Variants in EDAR observed in about 807,000 individuals in gnomAD.
EDAR encodes the protein tumor necrosis factor receptor superfamily member EDAR.
A neutral mutation model predicts 51.3 loss-of-function variants in EDAR; 38 were observed. The observed-to-expected ratio is 0.74, with a 90% CI of 0.57 to 0.97. The LOEUF (loss-of-function observed/expected upper bound fraction) is 0.97. EDAR is among the 50% of genes least tolerant of loss of function. EDAR has a pLI of 0.00. For synonymous variants in EDAR, 227 were observed against 242.1 expected, an observed-to-expected ratio of 0.94 and a Z score of 0.58; for missense variants, 528 against 595.0, an observed-to-expected ratio of 0.89 and a Z score of 1.17.
chr2:108,895,781 A>C lies in EDAR; in HGVS notation c.*1126T>G, dbSNP rs1696573748. Reference sequence around the variant, plus strand: ...CTAGAAGCCAGCTCCCTCGACATCAAGCCCAGGCTCTCATTTGCGCTGCAG... The same window carrying C: ...CTAGAAGCCAGCTCCCTCGACATCACGCCCAGGCTCTCATTTGCGCTGCAG... On this transcript the variant is annotated 3_prime_UTR_variant, in exon 12 of 12. Transcript: ENST00000258443. The C allele has an allele frequency of 6.6e-6, 1 of 152,254 alleles. No individual in the cohort carries two copies. Among genetic ancestry groups the C allele is most frequent in the African/African-American group, 2.4e-5 (1 of 41,462 alleles). 9.4% of individuals were successfully genotyped at this position (152,254 alleles called of 1,614,324 possible).
intron 1 of EDAR, among the ~76,000 whole-genome samples, chr2:108,975,706 G>A (rs1698311601): frequency 6.6e-6 from 1 of 152,170 alleles, no homozygotes; most frequent in Non-Finnish European, 1.5e-5. Context: ...GAGCCCTGTG[G>A]TGGTCGGAGG....
intron 1 of EDAR, among the ~76,000 whole-genome samples, chr2:108,971,260 G>C (rs1698226742): frequency 6.6e-6 from 1 of 152,002 alleles, no homozygotes; most frequent in South Asian, 2.1e-4. Context: ...CTTTCTTCCA[G>C]CATCTAGAAA....
At chr2:108,983,072 C>T (rs932879570) in intron 1 of EDAR, among the ~76,000 whole-genome samples, 2 of 152,202 alleles carry the variant, frequency 1.3e-5, no homozygotes, top group African/African-American at 4.8e-5. Flanking sequence ...TACCGATGCA[C>T]AATTAGTTTG....
At chr2:108,929,485 T>C in intron 3 of EDAR, 106 bp from the exon 4 acceptor site, 1 of 1,236,886 alleles carries the variant, frequency 8.1e-7, no homozygotes, top group Non-Finnish European at 1.2e-6. Context: ...CTCCAGAAGC[T>C]ACTCTTGCCG....
intron 5 of EDAR, among the ~76,000 whole-genome samples, chr2:108,919,695 T>G (rs1003629555): frequency 6.6e-6 from 1 of 152,154 alleles, no homozygotes; most frequent in Admixed American, 6.5e-5. Context: ...TGCTGCCCAG[T>G]GTCCCAGGCT....
chr2:108,920,297 A>G (rs891489183), intron 5 of EDAR, among the ~76,000 whole-genome samples: 5 of 152,184 alleles, frequency 3.3e-5, no homozygotes, highest in Non-Finnish European at 5.9e-5. Flanking sequence ...AGATGAGGAC[A>G]CTTTCCCAGG....
At chr2:108,958,474 A>G (rs868360924) in intron 1 of EDAR, among the ~76,000 whole-genome samples, 19 of 152,298 alleles carry the variant, frequency 1.2e-4, no homozygotes, top group African/African-American at 4.1e-4. Flanking sequence ...GAGCTGAGGC[A>G]GAAGGCTCAC....
intron 1 of EDAR, among the ~76,000 whole-genome samples, chr2:108,979,384 C>T (rs888942588): frequency 4.6e-5 from 7 of 152,128 alleles, no homozygotes; most frequent in African/African-American, 1.7e-4. Context: ...ACCACTTCCC[C>T]CAGCCTGGTC....
At chr2:108,970,280 G>A (rs962790225) in intron 1 of EDAR, among the ~76,000 whole-genome samples, 6 of 152,108 alleles carry the variant, frequency 3.9e-5, no homozygotes, top group Admixed American at 6.5e-5. Context: ...GCTTCTTTAC[G>A]ACACCAGGAG....
At position 108,897,233 on chromosome 2, in the gene EDAR, C is replaced by CAGAA; in HGVS notation, c.1025-5_1025-4insTTCT. ...GGCAGCTCCGTGGGGCTAAGACCTA[C>CAGAA]AGACACCAATGGCCACAGTTAGATG... On this transcript the variant is annotated splice_polypyrimidine_tract_variant and splice_region_variant and intron_variant, in intron 11 of 11. Coordinates refer to ENST00000258443, the MANE Select transcript of EDAR (RefSeq NM_022336.4). The CAGAA allele has an allele frequency of 6.2e-7, 1 of 1,613,444 alleles. No homozygotes were observed. The highest frequency in any genetic ancestry group is 1.7e-5 in the Admixed American group (1 of 60,022).
intron 1 of EDAR, among the ~76,000 whole-genome samples, chr2:108,978,492 G>A (rs1456933639): frequency 1.3e-5 from 2 of 152,190 alleles, no homozygotes; most frequent in African/African-American, 4.8e-5. Flanking sequence ...ATTTCTAGAG[G>A]GTAGAGCTCC....
chr2:108,897,256 A>G, intron 11 of EDAR, 27 bp from the exon 12 acceptor site: 4 of 1,597,402 alleles, frequency 2.5e-6, no homozygotes, highest in South Asian at 2.2e-5. Context: ...CCACAGTTAG[A>G]TGTTGCAAGT....
At chr2:108,970,253 G>T (rs1698212281) in intron 1 of EDAR, among the ~76,000 whole-genome samples, 1 of 152,138 alleles carries the variant, frequency 6.6e-6, no homozygotes, top group Non-Finnish European at 1.5e-5. Flanking sequence ...CAGGTGGTAC[G>T]CATTTGAGTT....
intron 1 of EDAR, among the ~76,000 whole-genome samples, chr2:108,944,714 G>A (rs1202561822): frequency 6.6e-6 from 1 of 152,156 alleles, no homozygotes; most frequent in Non-Finnish European, 1.5e-5. Flanking sequence ...GGAGGGAGGG[G>A]CTGCAGCACC....
chr2:108,988,219 C>G (rs1477302543), intron 1 of EDAR, among the ~76,000 whole-genome samples: 1 of 152,224 alleles, frequency 6.6e-6, no homozygotes, highest in East Asian at 1.9e-4. Flanking sequence ...GTGGGAACCT[C>G]GCCTGCTGAC....
At chr2:108,960,833 C>T (rs1558834036) in intron 1 of EDAR, among the ~76,000 whole-genome samples, 1 of 152,142 alleles carries the variant, frequency 6.6e-6, no homozygotes, top group African/African-American at 2.4e-5. Context: ...TTTAATGAGC[C>T]TCTTCATTTG....
chr2:108,930,938 G>T, intron 2 of EDAR, 26 bp downstream of exon 2: 1 of 1,613,262 alleles, frequency 6.2e-7, no homozygotes, highest in Non-Finnish European at 8.5e-7. Context: ...AGGGTGCTGT[G>T]GGGGTAAGGG....
rs1381087468 is a variant in EDAR, at chr2:108,896,325, C to T, written c.*582G>A. 5 of 154,430 alleles carry T rather than the reference C, an allele frequency of 3.2e-5. No homozygotes were observed. The highest frequency in any genetic ancestry group is 1.2e-4 in the African/African-American group (5 of 41,464). The allele number at this position is 154,430 out of a possible 1,614,324, so 9.6% of individuals were successfully genotyped here. On this transcript the variant is annotated 3_prime_UTR_variant, in exon 12 of 12. Coordinates refer to ENST00000258443, the MANE Select transcript of EDAR (RefSeq NM_022336.4). The stretch of plus-strand genomic sequence containing the variant: ...ACTAAACCTGAAATAATACCTGGAG[C>T]AGGGTGTCTGCATTTTGTTGCCATT...
At position 108,912,796 on chromosome 2, in the gene EDAR, CA is replaced by C. The variant is rs778917904; in HGVS notation, c.443-33del. The C allele has an allele frequency of 2.6e-6, 4 of 1,537,196 alleles. No individual in the cohort carries two copies. The South Asian group carries it at 4.8e-5, about 18-fold the overall frequency. The stretch of plus-strand genomic sequence containing the variant: ...GGAAAATAGAGTCCCTCAAATGATC[CA>C]GAGAAGCTCCACCTTCAAAGACGCT... On this transcript the variant is annotated intron_variant, in intron 5 of 11. Coordinates refer to ENST00000258443, the MANE Select transcript of EDAR (RefSeq NM_022336.4).
Sources: allele counts gnomAD v4.1 joint callset (sites outside exome capture counted in the v4.1 genomes callset), GRCh38; gene constraint gnomAD v4.1.1; transcripts MANE v1.5; gene names NCBI Gene and HGNC (gene_info 2026-07-23, HGNC 2026-07-21).